Variants in STARD13 observed in about 807,000 individuals in gnomAD.
STARD13 encodes StAR related lipid transfer domain containing 13.
A neutral mutation model predicts 106.4 loss-of-function variants in STARD13; 62 were observed. That is an observed-to-expected ratio of 0.58 (90% confidence interval 0.48 to 0.72). The LOEUF (loss-of-function observed/expected upper bound fraction) is 0.72. Ranked by LOEUF, STARD13 falls within the 30% of genes least tolerant of loss-of-function variation. The pLI is 0.00. For missense variants in STARD13, 1,387 were observed against 1,424.0 expected, an observed-to-expected ratio of 0.97 and a Z score of 0.42; for synonymous variants, 565 against 553.0, an observed-to-expected ratio of 1.02 and a Z score of -0.31.
At chr13:33,530,922 T>C in the STARD13 span, among the ~76,000 whole-genome samples, 6 of 152,312 alleles carry the variant, frequency 3.9e-5, no homozygotes, top group Middle Eastern at 0.01. Flanking sequence ...CTTTATTTAT[T>C]AGTTTTCAAG....
At chr13:33,482,641 TTTG>T in the STARD13 span, among the ~76,000 whole-genome samples, 2 of 152,206 alleles carry the variant, frequency 1.3e-5, no homozygotes, top group African/African-American at 4.8e-5. Flanking sequence ...AAACATGACA[TTTG>T]TTGATAAATA....
the STARD13 span, among the ~76,000 whole-genome samples, chr13:33,622,801 T>G: frequency 6.6e-6 from 1 of 151,428 alleles, no homozygotes; most frequent in East Asian, 1.9e-4. Context: ...ATGCCTGTAG[T>G]CCCAGCTACT....
At chr13:33,323,767 G>A (rs937202157) in intron 1 of STARD13, among the ~76,000 whole-genome samples, 3 of 152,164 alleles carry the variant, frequency 2.0e-5, no homozygotes, top group Non-Finnish European at 2.9e-5. Context: ...GCTCTTAAAA[G>A]ACCACTTGGC....
chr13:33,279,592 C>T (rs1302858142), intron 1 of STARD13: 1 of 152,228 alleles, frequency 6.6e-6, no homozygotes, highest in Non-Finnish European at 1.5e-5. Flanking sequence ...TCTCTGTACA[C>T]CCTGTGCTAC....
chr13:33,672,480 A>G, the STARD13 span, among the ~76,000 whole-genome samples: 1 of 152,228 alleles, frequency 6.6e-6, no homozygotes, highest in Non-Finnish European at 1.5e-5. Context: ...ATGTATTCCT[A>G]TGTAACAAAC....
chr13:33,438,443 T>G, the STARD13 span, among the ~76,000 whole-genome samples: 1 of 152,200 alleles, frequency 6.6e-6, no homozygotes, highest in Non-Finnish European at 1.5e-5. Context: ...GGTCTGTGCT[T>G]ATTTCCCACT....
chr13:33,631,860 G>A, the STARD13 span, among the ~76,000 whole-genome samples: 29 of 152,242 alleles, frequency 1.9e-4, no homozygotes, highest in Middle Eastern at 3.4e-3. Context: ...AGTAATTTGC[G>A]TTAAAAATTT....
the STARD13 span, among the ~76,000 whole-genome samples, chr13:33,657,904 G>A: frequency 1.3e-5 from 2 of 152,118 alleles, no homozygotes; most frequent in Non-Finnish European, 2.9e-5. Context: ...TTTTTTGACT[G>A]TGGCAAAATA....
chr13:33,647,677 A>G, the STARD13 span, among the ~76,000 whole-genome samples: 2 of 152,196 alleles, frequency 1.3e-5, no homozygotes, highest in Non-Finnish European at 2.9e-5. Flanking sequence ...CCTGTTCATA[A>G]TGTGGTTATG....
At chr13:33,254,038 G>A (rs1214383161) in intron 1 of STARD13, among the ~76,000 whole-genome samples, 1 of 152,158 alleles carries the variant, frequency 6.6e-6, no homozygotes, top group Admixed American at 6.5e-5. Flanking sequence ...ACACACACAG[G>A]GTGATCAGCC....
chr13:33,163,606 AT>A (rs60535754), intron 3 of STARD13, among the ~76,000 whole-genome samples: 5,920 of 63,160 alleles, frequency 0.094, 378 homozygotes, highest in East Asian at 0.26. Flanking sequence ...AAAAAAAAAA[AT>A]ATATATATAT....
At chr13:33,403,394 T>C in the STARD13 span, among the ~76,000 whole-genome samples, 1 of 152,228 alleles carries the variant, frequency 6.6e-6, no homozygotes, top group Non-Finnish European at 1.5e-5. Flanking sequence ...TTTCCTAAAC[T>C]AATTGTTTTT....
chr13:33,319,749 T>C (rs1486025966), intron 1 of STARD13, among the ~76,000 whole-genome samples: 2 of 152,202 alleles, frequency 1.3e-5, no homozygotes, highest in African/African-American at 4.8e-5. Context: ...GTTGGACTCA[T>C]AGATTATCTC....
chr13:33,201,248 C>A (rs1353802717), intron 1 of STARD13, among the ~76,000 whole-genome samples: 1 of 151,966 alleles, frequency 6.6e-6, no homozygotes, highest in Non-Finnish European at 1.5e-5. Context: ...AAGTATTATT[C>A]CAAGAATTGG....
chr13:33,629,550 T>A, the STARD13 span, among the ~76,000 whole-genome samples: 1 of 152,242 alleles, frequency 6.6e-6, no homozygotes, highest in African/African-American at 2.4e-5. Flanking sequence ...TTTCACTTTG[T>A]CTAGAAACTA....
the STARD13 span, among the ~76,000 whole-genome samples, chr13:33,574,913 CTTTTTTTT>C: frequency 4.3e-5 from 5 of 117,588 alleles, no homozygotes; most frequent in East Asian, 2.7e-4. Flanking sequence ...TATGCATCTA[CTTTTTTTT>C]TTTTTTTTTT....
the STARD13 span, among the ~76,000 whole-genome samples, chr13:33,531,807 T>A: frequency 6.6e-6 from 1 of 152,210 alleles, no homozygotes; most frequent in East Asian, 1.9e-4. Context: ...GTATCTTTTT[T>A]CTTCCAAACT....
At chr13:33,569,569 A>G in the STARD13 span, among the ~76,000 whole-genome samples, 8 of 147,786 alleles carry the variant, frequency 5.4e-5, no homozygotes, top group African/African-American at 2.0e-4. Flanking sequence ...AAGATGTTAA[A>G]TGAGGTGAAA....
At chr13:33,227,939 G>A (rs1016989840) in intron 1 of STARD13, among the ~76,000 whole-genome samples, 4 of 152,174 alleles carry the variant, frequency 2.6e-5, no homozygotes, top group African/African-American at 9.7e-5. Context: ...AAAGAGACAG[G>A]CCCTTTACAA....
Sources: allele counts gnomAD v4.1 joint callset (sites outside exome capture counted in the v4.1 genomes callset), GRCh38; gene constraint gnomAD v4.1.1; transcripts MANE v1.5; gene names NCBI Gene and HGNC (gene_info 2026-07-23, HGNC 2026-07-21).